Variants in FNIP1 observed in about 807,000 individuals in gnomAD.
FNIP1 encodes folliculin-interacting protein 1.
FNIP1 carries 40 observed loss-of-function variants against 124.5 expected under a neutral mutation model. That is an observed-to-expected ratio of 0.32 (90% CI 0.25 to 0.42). The LOEUF (loss-of-function observed/expected upper bound fraction) is 0.42. Ranked by LOEUF, FNIP1 falls within the 10% of genes least tolerant of loss-of-function variation. The pLI is 1.00. For missense variants in FNIP1, 1,176 were observed against 1,403.7 expected (o/e 0.84, Z 2.59); for synonymous variants, 472 against 470.6 (o/e 1.00, Z -0.04).
At chr5:131,686,518 G>A (rs556351626) in intron 11 of FNIP1, among the ~76,000 whole-genome samples, 1 of 152,048 alleles carries the variant, frequency 6.6e-6, no homozygotes, top group Non-Finnish European at 1.5e-5. Flanking sequence ...TGGCTACTTC[G>A]AAAATTTTTA....
chr5:131,691,483 T>C (rs948237173), intron 11 of FNIP1, among the ~76,000 whole-genome samples: 3 of 152,004 alleles, frequency 2.0e-5, no homozygotes, highest in Non-Finnish European at 4.4e-5. Context: ...AATAGTAAAA[T>C]CTAGAGCAGA....
At chr5:131,663,766 T>C (rs1251809300) in intron 15 of FNIP1, among the ~76,000 whole-genome samples, 1 of 152,216 alleles carries the variant, frequency 6.6e-6, no homozygotes, top group East Asian at 1.9e-4. Context: ...ATATTATACA[T>C]GGTTAAAATT....
chr5:131,747,440 C>T (rs1163235135), intron 1 of FNIP1, among the ~76,000 whole-genome samples: 1 of 152,200 alleles, frequency 6.6e-6, no homozygotes, highest in Admixed American at 6.5e-5. Context: ...ACCAGAGACT[C>T]CTCCTTAAAC....
Position 131,672,127 on chromosome 5 carries a change from C to T in FNIP1, c.2317G>A (p.Val773Met), listed in dbSNP as rs755745267. The T allele has an allele frequency of 1.9e-6, 3 of 1,614,168 alleles. No homozygotes were observed. The highest frequency in any genetic ancestry group is 8.5e-7 in the Non-Finnish European group (1 of 1,180,030). The change falls in exon 14 of 18, where the codon GTG becomes ATG. Residue 773 changes from valine to methionine, a missense_variant. Val to Met is a conservative substitution (Grantham distance 21). Around this residue, in one of 2 missense-constraint regions of FNIP1, gnomAD observed 1,109 missense variants for 1,288.5 expected, o/e 0.86. Coordinates refer to ENST00000510461, the MANE Select transcript of FNIP1 (RefSeq NM_133372.3). ...SDTELRSQAV[V>M]DQITRHHTKP... ...GTGTGATGTCTGGTAATCTGATCCA[C>T]CACTGCCTGACTTCGAAGCTCAGTA...
chr5:131,730,673 T>C (rs1460759120), intron 3 of FNIP1, among the ~76,000 whole-genome samples: 2 of 152,200 alleles, frequency 1.3e-5, no homozygotes, highest in East Asian at 1.9e-4. Flanking sequence ...TAAATCTGAA[T>C]TGGGAAATAT....
At chr5:131,781,916 T>C (rs1772009143) in intron 1 of FNIP1, among the ~76,000 whole-genome samples, 1 of 152,128 alleles carries the variant, frequency 6.6e-6, no homozygotes, top group Admixed American at 6.5e-5. Flanking sequence ...CCCAACACTT[T>C]GGAAGGCCAA....
chr5:131,752,927 C>G (rs918701664), intron 1 of FNIP1, among the ~76,000 whole-genome samples: 3 of 152,088 alleles, frequency 2.0e-5, no homozygotes, highest in African/African-American at 7.2e-5. Context: ...ATAAAATTAG[C>G]CAGGTGTGGT....
chr5:131,733,272 A>G (rs1159500187), intron 2 of FNIP1, among the ~76,000 whole-genome samples: 1 of 152,214 alleles, frequency 6.6e-6, no homozygotes, highest in Non-Finnish European at 1.5e-5. Flanking sequence ...TGTCATCTGC[A>G]AACAGGGACA....
intron 11 of FNIP1, among the ~76,000 whole-genome samples, chr5:131,695,276 C>T (rs1034626788): frequency 6.6e-5 from 10 of 152,120 alleles, no homozygotes; most frequent in African/African-American, 2.2e-4. Context: ...TGTGTGGGCA[C>T]GTGCGTGCAT....
chr5:131,676,514 T>C (rs1314165580), intron 13 of FNIP1, among the ~76,000 whole-genome samples: 3 of 152,000 alleles, frequency 2.0e-5, no homozygotes, highest in Non-Finnish European at 4.4e-5. Context: ...TCCCAGCACC[T>C]TGGGAGGCCA....
intron 1 of FNIP1, among the ~76,000 whole-genome samples, chr5:131,762,618 A>C (rs1000864059): frequency 2.0e-5 from 3 of 152,222 alleles, no homozygotes; most frequent in African/African-American, 7.2e-5. Context: ...GTGAGGATGT[A>C]GAGAAAAGGC....
intron 11 of FNIP1, among the ~76,000 whole-genome samples, chr5:131,682,716 C>CA (rs397706462): frequency 0.043 from 5,929 of 137,944 alleles, 361 homozygotes; most frequent in African/African-American, 0.14. Context: ...GACTCCGTCT[C>CA]AAAAAAAAAA....
At chr5:131,647,836 C>T (rs756179283) in intron 16 of FNIP1, among the ~76,000 whole-genome samples, 7 of 151,888 alleles carry the variant, frequency 4.6e-5, no homozygotes, top group Non-Finnish European at 1.0e-4. Context: ...GTTGTGCAAC[C>T]GTCACTACTA....
intron 1 of FNIP1, among the ~76,000 whole-genome samples, chr5:131,794,153 GC>G (rs1772499325): frequency 6.8e-6 from 1 of 146,042 alleles, no homozygotes; most frequent in African/African-American, 2.6e-5. Flanking sequence ...GATTACTAGA[GC>G]CCAGGAGGTC....
intron 16 of FNIP1, among the ~76,000 whole-genome samples, chr5:131,649,477 C>G (rs539891252): frequency 6.6e-6 from 1 of 152,284 alleles, no homozygotes; most frequent in East Asian, 1.9e-4. Context: ...AACGTCTATT[C>G]AAGTCCTTTG....
intron 15 of FNIP1, among the ~76,000 whole-genome samples, chr5:131,668,470 G>C (rs999900474): frequency 3.3e-5 from 5 of 152,184 alleles, no homozygotes; most frequent in African/African-American, 1.2e-4. Flanking sequence ...TGGATCACCT[G>C]AGGTCGGAGT....
At chr5:131,738,768 C>T (rs543985872) in intron 2 of FNIP1, among the ~76,000 whole-genome samples, 3 of 152,034 alleles carry the variant, frequency 2.0e-5, no homozygotes, top group African/African-American at 7.2e-5. Flanking sequence ...AGCCTTTCAG[C>T]CTCCCAAAGT....
intron 2 of FNIP1, among the ~76,000 whole-genome samples, chr5:131,743,912 T>A (rs1770590938): frequency 6.6e-6 from 1 of 151,844 alleles, no homozygotes; most frequent in South Asian, 2.1e-4. Context: ...TAAAGAAAAA[T>A]TATTTTAGCA....
chr5:131,748,732 T>C (rs1340641721), intron 1 of FNIP1, among the ~76,000 whole-genome samples: 1 of 151,120 alleles, frequency 6.6e-6, no homozygotes, highest in Non-Finnish European at 1.5e-5. Context: ...AAAGACTATG[T>C]TACTGGTTTA....
Sources: allele counts gnomAD v4.1 joint callset (sites outside exome capture counted in the v4.1 genomes callset), GRCh38; gene constraint gnomAD v4.1.1; regional missense constraint gnomAD v4.1.1; transcripts MANE v1.5; gene names NCBI Gene and HGNC (gene_info 2026-07-23, HGNC 2026-07-21).